Variants in HSPBAP1 observed in about 807,000 individuals in gnomAD.
HSPBAP1 encodes HSPB1-associated protein 1.
In HSPBAP1, 27 loss-of-function variants were observed where a neutral mutation model predicts 45.2. The ratio of observed to expected loss-of-function variants is 0.60; its 90% CI spans 0.44 to 0.82. The LOEUF (loss-of-function observed/expected upper bound fraction) is 0.82. Ranked by LOEUF, HSPBAP1 falls within the 40% of genes least tolerant of loss-of-function variation. The pLI, the probability that HSPBAP1 is intolerant of heterozygous loss-of-function variation, is 0.00. For synonymous variants in HSPBAP1, 204 were observed against 202.7 expected (o/e 1.01, Z -0.06); for missense variants, 510 against 590.9 (o/e 0.86, Z 1.42).
chr3:122,787,882 C>T (rs1224100735), intron 1 of HSPBAP1, among the ~76,000 whole-genome samples: 1 of 152,110 alleles, frequency 6.6e-6, no homozygotes. Context: ...ATTTTGTAAC[C>T]ACTATTTTAA....
chr3:122,787,062 G>A (rs972693049), intron 1 of HSPBAP1, among the ~76,000 whole-genome samples: 1 of 152,152 alleles, frequency 6.6e-6, no homozygotes, highest in South Asian at 2.1e-4. Context: ...CAAAGGATAA[G>A]GGTATTTAGG....
At chr3:122,785,425 T>G (rs1375067837) in intron 1 of HSPBAP1, among the ~76,000 whole-genome samples, 1 of 152,186 alleles carries the variant, frequency 6.6e-6, no homozygotes, top group African/African-American at 2.4e-5. Flanking sequence ...GATCAGGTTC[T>G]TCACCCCCAG....
In HSPBAP1 at chr3:122,755,423, C is replaced by T. The variant is rs1350816590; in HGVS notation, c.578G>A (p.Trp193Ter). The T allele has an allele frequency of 7.0e-7, 1 of 1,434,368 alleles. No individual in the cohort carries two copies. The highest frequency in any genetic ancestry group is 9.2e-7 in the Non-Finnish European group (1 of 1,081,378). 88.9% of individuals were successfully genotyped at this position (1,434,368 alleles called of 1,614,324 possible). A position where few individuals can be genotyped will look rare whatever the true frequency, so the allele number is the denominator to read the frequency against. The change falls in exon 5 of 8, where the codon TGG (tryptophan) becomes TAG (stop). Residue 193 changes from tryptophan to a stop codon, truncating the protein, a stop_gained. Transcript: ENST00000306103. LOFTEE classifies it high-confidence loss of function. The stretch of plus-strand genomic sequence containing the variant: ...AGTATCTTCAGGAGGAAAGAGATGC[C>T]ATCGTTTCCTAATTAAAAAAAAAAA... ...LVFQVQGRKR[W>*]HLFPPEDTPF...
At chr3:122,743,287 G>A (rs1047151258) in intron 6 of HSPBAP1, among the ~76,000 whole-genome samples, 5 of 152,130 alleles carry the variant, frequency 3.3e-5, no homozygotes, top group Admixed American at 1.3e-4. Flanking sequence ...GTTTTTGTGT[G>A]GGCCAGGCAC....
intron 1 of HSPBAP1, among the ~76,000 whole-genome samples, chr3:122,781,463 G>C (rs1360940796): frequency 1.3e-5 from 2 of 152,048 alleles, no homozygotes; most frequent in East Asian, 3.9e-4. Context: ...GCTGAGGCAG[G>C]AGAATCAGGC....
intron 1 of HSPBAP1, 128 bp downstream of exon 1, chr3:122,793,489 C>A: frequency 1.4e-6 from 1 of 720,344 alleles, no homozygotes; most frequent in Non-Finnish European, 2.4e-6. Flanking sequence ...ATAGATTTTT[C>A]TTCATAGTCT....
intron 2 of HSPBAP1, among the ~76,000 whole-genome samples, chr3:122,776,356 C>CT (rs888992759): frequency 1.3e-4 from 19 of 151,820 alleles, no homozygotes; most frequent in Admixed American, 6.6e-4. Context: ...AGTTATTTTC[C>CT]TTTTTTTTGT....
chr3:122,752,562 A>G (rs771024461), intron 6 of HSPBAP1, 29 bp downstream of exon 6: 1 of 376,096 alleles, frequency 2.7e-6, no homozygotes, highest in Non-Finnish European at 3.9e-6. Flanking sequence ...CACTTACTTA[A>G]AAAAAAAAAA....
intron 6 of HSPBAP1, among the ~76,000 whole-genome samples, chr3:122,747,440 T>C: frequency 6.6e-6 from 1 of 150,572 alleles, no homozygotes; most frequent in East Asian, 2.0e-4. Context: ...GTCTGGGAAG[T>C]GAGGAGCGTC....
intron 4 of HSPBAP1, among the ~76,000 whole-genome samples, chr3:122,756,643 A>G (rs1002477625): frequency 6.6e-6 from 1 of 151,382 alleles, no homozygotes; most frequent in Admixed American, 6.6e-5. Flanking sequence ...GGAAGCAGTG[A>G]GCTATGATTG....
intron 1 of HSPBAP1, among the ~76,000 whole-genome samples, chr3:122,789,244 A>G (rs1303187492): frequency 6.6e-6 from 1 of 152,220 alleles, no homozygotes; most frequent in Non-Finnish European, 1.5e-5. Context: ...TCTAGATGAG[A>G]TATTTCCTCA....
intron 6 of HSPBAP1, among the ~76,000 whole-genome samples, chr3:122,748,504 T>C (rs1352886519): frequency 1.3e-5 from 2 of 152,114 alleles, no homozygotes; most frequent in Non-Finnish European, 2.9e-5. Context: ...ACACAAAACA[T>C]TGGTGAATTC....
At chr3:122,745,937 T>C (rs1357487514) in intron 6 of HSPBAP1, among the ~76,000 whole-genome samples, 2 of 152,202 alleles carry the variant, frequency 1.3e-5, no homozygotes, top group South Asian at 2.1e-4. Context: ...GCATAAGTGC[T>C]TAGTTAAAAT....
chr3:122,770,372 C>T (rs893294388), intron 2 of HSPBAP1, among the ~76,000 whole-genome samples: 3 of 152,172 alleles, frequency 2.0e-5, no homozygotes, highest in African/African-American at 7.2e-5. Context: ...GTGCCTGGCA[C>T]ATAGTAAACA....
chr3:122,757,774 A>T (rs1934406865), intron 4 of HSPBAP1, among the ~76,000 whole-genome samples: 1 of 152,248 alleles, frequency 6.6e-6, no homozygotes, highest in Non-Finnish European at 1.5e-5. Context: ...ACTTTATATC[A>T]TAGAGAGAAT....
chr3:122,758,378 A>C (rs1249822525), intron 4 of HSPBAP1, among the ~76,000 whole-genome samples: 1 of 152,172 alleles, frequency 6.6e-6, no homozygotes, highest in Admixed American at 6.5e-5. Flanking sequence ...GGAGACAAAA[A>C]CTGACCTAAG....
At chr3:122,771,195 T>C (rs1056765173) in intron 2 of HSPBAP1, among the ~76,000 whole-genome samples, 1 of 152,264 alleles carries the variant, frequency 6.6e-6, no homozygotes, top group Non-Finnish European at 1.5e-5. Flanking sequence ...TCTTTTCATT[T>C]CCATAATGAT....
At chr3:122,752,715 G>A (rs757215615) in intron 5 of HSPBAP1, 41 bp from the exon 6 acceptor site, 17 of 1,520,008 alleles carry the variant, frequency 1.1e-5, no homozygotes, top group African/African-American at 4.2e-5. Context: ...AGAACAGGAC[G>A]TTTCATTTTT....
intron 2 of HSPBAP1, among the ~76,000 whole-genome samples, chr3:122,771,376 T>C (rs1934990083): frequency 6.6e-6 from 1 of 152,248 alleles, no homozygotes; most frequent in Non-Finnish European, 1.5e-5. Flanking sequence ...GTTGAAGTAG[T>C]CTAGGCAACT....
Sources: allele counts gnomAD v4.1 joint callset (sites outside exome capture counted in the v4.1 genomes callset), GRCh38; gene constraint gnomAD v4.1.1; transcripts MANE v1.5; gene names NCBI Gene and HGNC (gene_info 2026-07-23, HGNC 2026-07-21).